RBFOX1: variants seen among roughly 807,000 people sequenced by gnomAD.
RBFOX1 encodes the protein RNA binding protein fox-1 homolog 1.
Under a neutral mutation model 57.7 loss-of-function variants are expected in RBFOX1, and 8 were observed. The ratio of observed to expected loss-of-function variants is 0.14; its 90% CI spans 0.08 to 0.25. RBFOX1 has a LOEUF of 0.25. Among genes scored for constraint, RBFOX1 ranks in the 10% least tolerant of loss-of-function variants. The pLI is 1.00. For synonymous variants in RBFOX1, 326 were observed against 222.4 expected, an observed-to-expected ratio of 1.47 and a Z score of -4.15; for missense variants, 611 against 548.5, an observed-to-expected ratio of 1.11 and a Z score of -1.14.
intron 3 of RBFOX1, among the ~76,000 whole-genome samples, chr16:5,620,364 A>T (rs1306666320): frequency 1.3e-5 from 2 of 152,180 alleles, no homozygotes; most frequent in African/African-American, 4.8e-5. Context: ...TCTATACAGC[A>T]TAGCAAGATC....
At chr16:6,946,246 C>A (rs1455740096) in intron 3 of RBFOX1, among the ~76,000 whole-genome samples, 1 of 152,228 alleles carries the variant, frequency 6.6e-6, no homozygotes, top group African/African-American at 2.4e-5. Context: ...AACTGCTCCA[C>A]TACATCCTTG....
intron 3 of RBFOX1, among the ~76,000 whole-genome samples, chr16:5,831,192 C>G (rs560971386): frequency 6.6e-6 from 1 of 152,060 alleles, no homozygotes; most frequent in Non-Finnish European, 1.5e-5. Flanking sequence ...GAGGTGGGAA[C>G]CTGGTGGGAA....
At chr16:7,075,867 AC>A (rs2058198680) in intron 4 of RBFOX1, among the ~76,000 whole-genome samples, 1 of 151,990 alleles carries the variant, frequency 6.6e-6, no homozygotes, top group East Asian at 1.9e-4. Flanking sequence ...GGCGTGAGCC[AC>A]CGCGCCCGGC....
At chr16:6,735,212 T>C (rs891723417) in intron 3 of RBFOX1, among the ~76,000 whole-genome samples, 2 of 152,176 alleles carry the variant, frequency 1.3e-5, no homozygotes, top group Admixed American at 6.5e-5. Context: ...TGGTGGCTTA[T>C]TGCTAGATGC....
At chr16:6,921,877 G>T (rs6500877) in intron 3 of RBFOX1, among the ~76,000 whole-genome samples, 2 of 152,000 alleles carry the variant, frequency 1.3e-5, no homozygotes, top group African/African-American at 2.4e-5. Context: ...TACCCATAAT[G>T]AAGAGGAGGA....
At chr16:6,676,368 A>G (rs895493518) in intron 3 of RBFOX1, among the ~76,000 whole-genome samples, 7 of 152,026 alleles carry the variant, frequency 4.6e-5, no homozygotes, top group Admixed American at 2.6e-4. Context: ...CGTTTTTACA[A>G]TGGCAGCGCC....
rs1433340400 is a variant in RBFOX1, at chr16:5,657,622, C to CTT, written c.318+58662_318+58663insTT. The stretch of plus-strand genomic sequence containing the variant: ...TTTCTCGCTCGCTTTCTTTCTTTCT[C>CTT]TCTTTCTTTCTTTCTTTCTTTCTTT... On this transcript the variant is annotated intron_variant, in intron 3 of 19. Coordinates refer to the RBFOX1 transcript ENST00000641259. Among the ~76,000 whole-genome samples the CTT allele has an allele frequency of 2.8e-4, 29 of 102,992 alleles. 2 individuals are homozygous for CTT. The highest frequency in any genetic ancestry group is 3.7e-4 in the South Asian group (1 of 2,702). The allele number at this position is 102,992 out of a possible 152,430, so 67.6% of individuals were successfully genotyped here. A position where few individuals can be genotyped will look rare whatever the true frequency, so the allele number is the denominator to read the frequency against.
chr16:5,844,772 G>T (rs917418932), intron 3 of RBFOX1, among the ~76,000 whole-genome samples: 1 of 152,168 alleles, frequency 6.6e-6, no homozygotes, highest in African/African-American at 2.4e-5. Context: ...GGCACATTGC[G>T]ACTTTGATTT....
intron 3 of RBFOX1, among the ~76,000 whole-genome samples, chr16:7,039,578 A>G (rs1054045403): frequency 3.3e-5 from 5 of 152,132 alleles, no homozygotes; most frequent in African/African-American, 1.2e-4. Flanking sequence ...TTACTAGTGT[A>G]ACACACTTTT....
intron 4 of RBFOX1, among the ~76,000 whole-genome samples, chr16:7,199,323 A>T (rs2152707440): frequency 8.1e-6 from 1 of 123,418 alleles, no homozygotes; most frequent in Middle Eastern, 4.3e-3. Context: ...TGAGTGTTTA[A>T]AGGGTTTTTT....
intron 4 of RBFOX1, among the ~76,000 whole-genome samples, chr16:7,129,549 C>T (rs2069625659): frequency 6.6e-6 from 1 of 152,030 alleles, no homozygotes; most frequent in South Asian, 2.1e-4. Context: ...AATGGAGAGA[C>T]ACATTTGCCC....
At chr16:6,819,422 CA>C (rs1373491881) in intron 3 of RBFOX1, among the ~76,000 whole-genome samples, 8 of 152,068 alleles carry the variant, frequency 5.3e-5, no homozygotes, top group African/African-American at 1.7e-4. Flanking sequence ...CTTCAGAAAC[CA>C]AAAGGTAGGC....
At chr16:6,083,779 CCTT>C (rs548611056) in intron 1 of RBFOX1, among the ~76,000 whole-genome samples, 231 of 152,104 alleles carry the variant, frequency 1.5e-3, no homozygotes, top group Middle Eastern at 6.8e-3. Context: ...ACCTGGCCCC[CCTT>C]CTTTGGTCTC....
chr16:6,227,475 G>GT (rs986764627), intron 1 of RBFOX1, among the ~76,000 whole-genome samples: 26 of 151,918 alleles, frequency 1.7e-4, no homozygotes, highest in African/African-American at 4.1e-4. Context: ...ATTTCTCAGG[G>GT]TTTTTTTTGC....
chr16:6,895,474 ATATAT>A (rs2066636397), intron 3 of RBFOX1, among the ~76,000 whole-genome samples: 1 of 104,280 alleles, frequency 9.6e-6, no homozygotes, highest in African/African-American at 3.6e-5. Flanking sequence ...ATATATATAT[ATATAT>A]ATATATATTT....
At chr16:5,996,672 A>C (rs1269400550) in intron 4 of RBFOX1, among the ~76,000 whole-genome samples, 2 of 152,060 alleles carry the variant, frequency 1.3e-5, no homozygotes, top group Non-Finnish European at 2.9e-5. Context: ...AAGGGGTAAG[A>C]GAGAGAGCAG....
chr16:7,419,558 C>T (rs530396524), intron 4 of RBFOX1, among the ~76,000 whole-genome samples: 3 of 152,328 alleles, frequency 2.0e-5, no homozygotes, highest in Admixed American at 6.5e-5. Context: ...GCAAATGTTG[C>T]GGCATATGCA....
In RBFOX1 at chr16:7,128,467, G is replaced by T. The variant is rs76152629; in HGVS notation, c.27+76369G>T. Among the ~76,000 whole-genome samples the T allele has an allele frequency of 2.2e-3, 335 of 152,316 alleles. 1 individual carries two copies. The highest frequency in any genetic ancestry group is 7.6e-3 in the African/African-American group (318 of 41,574). ...CTGAATCCTCCAGGGTGACATCAGC[G>T]GGGATAGTTCGGTTCTGTACGTGTG... On this transcript the variant is annotated intron_variant, in intron 4 of 15. Coordinates refer to ENST00000550418, the MANE Select transcript of RBFOX1 (RefSeq NM_018723.4).
At chr16:7,236,824 T>C (rs1189952009) in intron 4 of RBFOX1, among the ~76,000 whole-genome samples, 1 of 152,178 alleles carries the variant, frequency 6.6e-6, no homozygotes, top group African/African-American at 2.4e-5. Flanking sequence ...CAACATATCT[T>C]GTCCTCAGCA....
Sources: allele counts gnomAD v4.1 joint callset (sites outside exome capture counted in the v4.1 genomes callset), GRCh38; gene constraint gnomAD v4.1.1; transcripts MANE v1.5; gene names NCBI Gene and HGNC (gene_info 2026-07-23, HGNC 2026-07-21).